The following FOXJ3 variants were observed in gnomAD, a reference collection of about 807,000 sequenced individuals.
FOXJ3 encodes forkhead box J3, also known as forkhead box protein J3.
FOXJ3 carries 22 observed loss-of-function variants against 76.1 expected under a neutral mutation model. That is an observed-to-expected ratio of 0.29 (90% CI 0.21 to 0.41). The LOEUF is 0.41. Ranked by LOEUF, FOXJ3 falls within the 10% of genes least tolerant of loss-of-function variation. The probability of loss-of-function intolerance (pLI) is 1.00; values close to 1 mark genes in which losing one functional copy is unlikely to be tolerated. For missense variants in FOXJ3, 613 were observed against 762.1 expected (o/e 0.80, Z 2.30); for synonymous variants, 269 against 261.2 (o/e 1.03, Z -0.29).
chr1:42,239,255 T>C (rs1227821957), intron 4 of FOXJ3, among the ~76,000 whole-genome samples: 1 of 150,526 alleles, frequency 6.6e-6, no homozygotes, highest in Non-Finnish European at 1.5e-5. Flanking sequence ...TTCTTTTTCT[T>C]GCCTTACTCC....
At chr1:42,225,619 CA>C (rs1292089980) in intron 5 of FOXJ3, among the ~76,000 whole-genome samples, 4 of 152,108 alleles carry the variant, frequency 2.6e-5, no homozygotes, top group Admixed American at 2.6e-4. Flanking sequence ...AAATGAATAT[CA>C]GTATTAGTAA....
intron 2 of FOXJ3, among the ~76,000 whole-genome samples, chr1:42,299,860 A>G (rs1330958161): frequency 6.6e-6 from 1 of 152,010 alleles, no homozygotes; most frequent in Non-Finnish European, 1.5e-5. Flanking sequence ...GTGAGCCAAG[A>G]TCATGCCACT....
intron 5 of FOXJ3, among the ~76,000 whole-genome samples, chr1:42,207,537 G>A (rs1169548094): frequency 2.0e-5 from 3 of 152,050 alleles, no homozygotes; most frequent in African/African-American, 4.8e-5. Flanking sequence ...TGTTAAAGAG[G>A]GGCAAACAGA....
chr1:42,311,191 C>A, intron 1 of FOXJ3, 81 bp from the exon 2 acceptor site: 2 of 893,660 alleles, frequency 2.2e-6, no homozygotes, highest in South Asian at 1.6e-5. Flanking sequence ...TAATTTAAAA[C>A]ACTCTGAAAA....
At chr1:42,249,148 G>A (rs1017720696) in intron 4 of FOXJ3, among the ~76,000 whole-genome samples, 1 of 152,056 alleles carries the variant, frequency 6.6e-6, no homozygotes, top group African/African-American at 2.4e-5. Flanking sequence ...TATAACTGAT[G>A]GGCATTTGGG....
intron 2 of FOXJ3, among the ~76,000 whole-genome samples, chr1:42,288,607 T>C (rs1653213656): frequency 6.6e-6 from 1 of 152,226 alleles, no homozygotes; most frequent in African/African-American, 2.4e-5. Context: ...TATGTGGTGT[T>C]TATGGATCAG....
At chr1:42,323,880 A>G (rs1345171764) in intron 1 of FOXJ3, 2 of 158,726 alleles carry the variant, frequency 1.3e-5, no homozygotes, top group African/African-American at 4.8e-5. Flanking sequence ...TACAACTAAC[A>G]ACAAACAGGT....
chr1:42,222,880 G>A (rs1647273904), intron 5 of FOXJ3, among the ~76,000 whole-genome samples: 1 of 152,130 alleles, frequency 6.6e-6, no homozygotes, highest in Admixed American at 6.5e-5. Flanking sequence ...CATATACCCT[G>A]AATGGTATTC....
At chr1:42,195,180 TTC>T in intron 7 of FOXJ3, 116 bp from the exon 8 acceptor site, 1 of 756,100 alleles carries the variant, frequency 1.3e-6, no homozygotes, top group Non-Finnish European at 2.0e-6. Context: ...AAAATAACTC[TTC>T]TGTCTTAGGC....
chr1:42,289,943 G>T (rs1426316973), intron 2 of FOXJ3, among the ~76,000 whole-genome samples: 1 of 151,906 alleles, frequency 6.6e-6, no homozygotes, highest in African/African-American at 2.4e-5. Context: ...GATAAAAAGG[G>T]GTAAGTAGAG....
At chr1:42,201,347 A>G (rs1646761418) in intron 6 of FOXJ3, among the ~76,000 whole-genome samples, 2 of 152,172 alleles carry the variant, frequency 1.3e-5, no homozygotes, top group Non-Finnish European at 2.9e-5. Flanking sequence ...TCAGTATTTC[A>G]CCATTTAATA....
intron 2 of FOXJ3, among the ~76,000 whole-genome samples, chr1:42,305,321 C>A (rs1347344216): frequency 6.6e-6 from 1 of 152,114 alleles, no homozygotes; most frequent in Non-Finnish European, 1.5e-5. Flanking sequence ...AGTACAACCA[C>A]TATGGTGAAC....
At chr1:42,206,056 G>T (rs1489912769) in intron 5 of FOXJ3, 193 bp from the exon 6 acceptor site, 1 of 520,488 alleles carries the variant, frequency 1.9e-6, no homozygotes, top group Non-Finnish European at 3.4e-6. Context: ...AAGTCCTTTG[G>T]TATGGCTACT....
rs573733047 is a variant in FOXJ3 at position 42,209,384 on chromosome 1, T to G, written c.529-3521A>C. On this transcript the variant is annotated intron_variant, in intron 5 of 12. Transcript: ENST00000361346. Reference sequence around the variant, plus strand: ...AAATCATGTGTAGAGATTCATGCTGTGAACTTTTTTTCCTAGAAGCAACAC... The same window carrying G: ...AAATCATGTGTAGAGATTCATGCTGGGAACTTTTTTTCCTAGAAGCAACAC... Among the ~76,000 whole-genome samples, 4 of 152,314 alleles carry G rather than the reference T, an allele frequency of 2.6e-5. No individual in the cohort carries two copies. The South Asian group carries it at 8.3e-4, about 32-fold the overall frequency.
At chr1:42,211,976 G>A (rs115623743) in intron 5 of FOXJ3, among the ~76,000 whole-genome samples, 5,917 of 152,296 alleles carry the variant, frequency 0.039, 146 homozygotes, top group South Asian at 0.092. Flanking sequence ...AGAAGTGTCT[G>A]GGCACAGTGG....
chr1:42,223,870 T>C (rs1647336862), intron 5 of FOXJ3, among the ~76,000 whole-genome samples: 1 of 152,244 alleles, frequency 6.6e-6, no homozygotes, highest in African/African-American at 2.4e-5. Context: ...AATGTAGTTG[T>C]AGACAGCACA....
In FOXJ3 at chr1:42,181,865, TCACACACACACACA is replaced by T. The variant is rs143175153; in HGVS notation, c.1753+38_1753+51del. ...CCTGCCATCGTTGTTCCTGGAGTGC[TCACACACACACACA>T]CACACACACACACACTCACTCTCTC... On this transcript the variant is annotated intron_variant, in intron 12 of 12. Coordinates refer to ENST00000361346, the MANE Select transcript of FOXJ3 (RefSeq NM_014947.5). The T allele has an allele frequency of 1.6e-4, 150 of 964,578 alleles. 1 individual carries two copies. Among genetic ancestry groups the T allele is most frequent in the African/African-American group, 1.4e-3 (86 of 59,316 alleles). The allele number at this position is 964,578 out of a possible 1,614,324, so 59.8% of individuals were successfully genotyped here.
rs1646276690 is a variant in FOXJ3, at chr1:42,179,623, T to C, written c.*87A>G. 1.3e-6 allele frequency: 1 copy of C among 779,968 alleles called. No individual in the cohort carries two copies. 48.3% of individuals were successfully genotyped at this position (779,968 alleles called of 1,614,324 possible). On this transcript the variant is annotated 3_prime_UTR_variant, in exon 13 of 13. Coordinates refer to ENST00000361346, the MANE Select transcript of FOXJ3 (RefSeq NM_014947.5). ...AACATTGGTAAAGTGATTAGCAAGT[T>C]TGTTTTCTCAACTGGATTCTCTTAA...
Position 42,316,333 on chromosome 1 carries a change from C to CGTTTTTTTTTTTTTT in FOXJ3, c.-17-5224_-17-5223insAAAAAAAAAAAAAAC, listed in dbSNP as rs1322633444. On this transcript the variant is annotated intron_variant, in intron 1 of 12. Transcript: ENST00000361346. Reference sequence around the variant, plus strand: ...ACAGGTGCACACCACTGCATTGGGCCTTTTTTTTTTTTTTTTCTGTAGAAA... The same window carrying CGTTTTTTTTTTTTTT: ...ACAGGTGCACACCACTGCATTGGGCCGTTTTTTTTTTTTTTTTTTTTTTTTTTTTTTCTGTAGAAA... Among the ~76,000 whole-genome samples the CGTTTTTTTTTTTTTT allele has an allele frequency of 6.8e-5, 5 of 73,916 alleles. 1 individual carries two copies. The highest frequency in any genetic ancestry group is 2.2e-4 in the African/African-American group (5 of 23,040). 48.5% of individuals were successfully genotyped at this position (73,916 alleles called of 152,430 possible).
Sources: gnomAD v4.1 joint callset for allele counts (sites outside exome capture counted in the v4.1 genomes callset) on GRCh38, gnomAD v4.1.1 for gene constraint, MANE v1.5 for transcripts, NCBI Gene and HGNC (gene_info 2026-07-23, HGNC 2026-07-21) for gene names.